PLXNA4: variants seen among roughly 807,000 people sequenced by gnomAD.
PLXNA4 encodes plexin-A4.
In PLXNA4, 44 loss-of-function variants were observed where a neutral mutation model predicts 191.8. The ratio of observed to expected loss-of-function variants is 0.23; its 90% confidence interval spans 0.18 to 0.29. PLXNA4 has a LOEUF of 0.29. Among genes scored for constraint, PLXNA4 ranks in the 10% least tolerant of loss-of-function variants. The pLI, the probability that PLXNA4 is intolerant of heterozygous loss-of-function variation, is 1.00. For missense variants in PLXNA4, 1,800 were observed against 2,488.8 expected, an observed-to-expected ratio of 0.72 and a Z score of 5.89; for synonymous variants, 1,082 against 1,009.5, an observed-to-expected ratio of 1.07 and a Z score of -1.36.
At chr7:132,252,305 T>TG (rs1355501206) in intron 4 of PLXNA4, among the ~76,000 whole-genome samples, 169 of 28,236 alleles carry the variant, frequency 6.0e-3, no homozygotes, top group African/African-American at 0.026. Flanking sequence ...AAAAGTTTTT[T>TG]TTTTTTTTTT....
In PLXNA4 at chr7:132,519,540, C is replaced by T. The variant is rs114950921; in HGVS notation, c.-86-10761G>A. ...CCTGTCTCGTGCATGTGGCCTGAGG[C>T]TTGTCCAGCTGACATTTTCACCAGG... is the stretch of plus-strand genomic sequence containing the variant. On this transcript the variant is annotated intron_variant, in intron 1 of 31. Transcript: ENST00000321063. Among the ~76,000 whole-genome samples the T allele has an allele frequency of 6.7e-3, 1,015 of 152,326 alleles. 12 individuals are homozygous for T. Among genetic ancestry groups the T allele is most frequent in the African/African-American group, 0.023 (964 of 41,568 alleles).
chr7:132,644,684 T>A (rs1010688970), intron 2 of PLXNA4, among the ~76,000 whole-genome samples: 1 of 152,160 alleles, frequency 6.6e-6, no homozygotes, highest in African/African-American at 2.4e-5. Flanking sequence ...GTGATATATT[T>A]AAAGAGGAAG....
chr7:132,266,000 CAAG>C (rs1182675407), intron 4 of PLXNA4, among the ~76,000 whole-genome samples: 1 of 152,140 alleles, frequency 6.6e-6, no homozygotes, highest in African/African-American at 2.4e-5. Context: ...GGCTCAGAAT[CAAG>C]AAGAAGTTGA....
At chr7:132,561,793 C>T (rs1347121394) in intron 1 of PLXNA4, among the ~76,000 whole-genome samples, 2 of 141,162 alleles carry the variant, frequency 1.4e-5, no homozygotes, top group Non-Finnish European at 3.1e-5. Context: ...TCCTTAACCT[C>T]CTCCTCCTTA....
chr7:132,402,577 T>C (rs1794036809), intron 3 of PLXNA4, among the ~76,000 whole-genome samples: 1 of 152,174 alleles, frequency 6.6e-6, no homozygotes, highest in African/African-American at 2.4e-5. Flanking sequence ...AATCATCTTA[T>C]TGCAGGAAAT....
At chr7:132,647,068 C>T (rs1399717417) in intron 1 of PLXNA4, among the ~76,000 whole-genome samples, 3 of 151,890 alleles carry the variant, frequency 2.0e-5, no homozygotes, top group South Asian at 2.1e-4. Flanking sequence ...CAAACACATG[C>T]TGTCATACAT....
At chr7:132,336,583 A>T (rs1459253644) in intron 3 of PLXNA4, among the ~76,000 whole-genome samples, 2 of 152,150 alleles carry the variant, frequency 1.3e-5, no homozygotes. Flanking sequence ...GCACTTATTG[A>T]GCATCTACTA....
intron 5 of PLXNA4, among the ~76,000 whole-genome samples, chr7:132,236,536 G>A (rs1386048532): frequency 6.6e-6 from 1 of 152,112 alleles, no homozygotes; most frequent in South Asian, 2.1e-4. Context: ...CCCATGGTGG[G>A]GGCCTAACAA....
chr7:132,480,864 G>A (rs1563123684), intron 3 of PLXNA4, among the ~76,000 whole-genome samples: 1 of 152,170 alleles, frequency 6.6e-6, no homozygotes, highest in Admixed American at 6.5e-5. Context: ...GAGTCCCGTC[G>A]TTTCTAAGGT....
intron 1 of PLXNA4, among the ~76,000 whole-genome samples, chr7:132,560,774 T>G (rs1167231247): frequency 1.3e-5 from 2 of 152,102 alleles, no homozygotes; most frequent in East Asian, 3.9e-4. Flanking sequence ...GCAAGACACC[T>G]GCAGGACAAC....
At chr7:132,172,491 G>A (rs1351435152) in intron 21 of PLXNA4, among the ~76,000 whole-genome samples, 2 of 152,144 alleles carry the variant, frequency 1.3e-5, no homozygotes, top group African/African-American at 4.8e-5. Flanking sequence ...TGGCTGAAAG[G>A]GCTGGGAAAC....
chr7:132,556,008 C>A (rs1019516948), intron 1 of PLXNA4, among the ~76,000 whole-genome samples: 1 of 152,242 alleles, frequency 6.6e-6, no homozygotes, highest in Non-Finnish European at 1.5e-5. Flanking sequence ...CTCTGTGGCT[C>A]CATTCTTGGC....
At chr7:132,552,994 C>A (rs1366930456) in intron 1 of PLXNA4, among the ~76,000 whole-genome samples, 1 of 152,154 alleles carries the variant, frequency 6.6e-6, no homozygotes, top group African/African-American at 2.4e-5. Flanking sequence ...ATGCTTGGCT[C>A]AGGATTCTGG....
chr7:132,152,547 C>T (rs1795676367), intron 25 of PLXNA4, among the ~76,000 whole-genome samples: 1 of 152,328 alleles, frequency 6.6e-6, no homozygotes, highest in Non-Finnish European at 1.5e-5. Context: ...AGATGGGCTC[C>T]TTCTGTCTTG....
intron 2 of PLXNA4, among the ~76,000 whole-genome samples, chr7:132,587,765 T>G (rs1802529453): frequency 1.3e-5 from 2 of 151,968 alleles, no homozygotes; most frequent in South Asian, 4.2e-4. Flanking sequence ...AATTAAACCC[T>G]GCCTCTCCCC....
rs370481755 is a variant in PLXNA4 at position 132,421,578 on chromosome 7, GT to G, written c.1371+67713del. On this transcript the variant is annotated intron_variant, in intron 3 of 31. Coordinates refer to ENST00000321063, the MANE Select transcript of PLXNA4 (RefSeq NM_020911.2). Reference sequence around the variant, plus strand: ...GCTGCTTCTTTACTTTATTGCTAAAGTTTTTTTTTTTTACCACAGCTTCAGT... The same window carrying G: ...GCTGCTTCTTTACTTTATTGCTAAAGTTTTTTTTTTTACCACAGCTTCAGT... Among the ~76,000 whole-genome samples, 880 of 146,506 alleles carry G rather than the reference GT, an allele frequency of 6.0e-3. 13 individuals are homozygous for G. The highest frequency in any genetic ancestry group is 0.018 in the African/African-American group (735 of 40,598).
chr7:132,247,236 A>G (rs910639108), intron 4 of PLXNA4, among the ~76,000 whole-genome samples: 1 of 152,124 alleles, frequency 6.6e-6, no homozygotes, highest in Non-Finnish European at 1.5e-5. Context: ...GTGTATCTCT[A>G]ATTTGTTTAA....
intron 21 of PLXNA4, among the ~76,000 whole-genome samples, chr7:132,174,279 C>T (rs866677848): frequency 3.0e-4 from 45 of 152,210 alleles, no homozygotes; most frequent in African/African-American, 1.0e-3. Context: ...AGATGAGGTC[C>T]CTGCTGGTAG....
rs549445684 is a variant in PLXNA4, at chr7:132,182,178, G to T, written c.3171C>A (p.Pro1057=). 1 of 1,614,148 alleles carries T rather than the reference G, an allele frequency of 6.2e-7. No homozygotes were observed. Among genetic ancestry groups the T allele is most frequent in the South Asian group, 1.1e-5 (1 of 91,066 alleles). The stretch of plus-strand genomic sequence containing the variant: ...CCAGGTGGGTCCCCCATACGGCGAT[G>T]GGTGTGTTTCCACTGAGCAGGAAGA... ...PEWSIVSGNT[P]IAVWGTHLDL... The change falls in exon 17 of 32, where the codon CCC becomes CCA. Residue 1057 remains proline, a synonymous_variant. Transcript: ENST00000321063.
Sources: gnomAD v4.1 joint callset for allele counts (sites outside exome capture counted in the v4.1 genomes callset) on GRCh38, gnomAD v4.1.1 for gene constraint, MANE v1.5 for transcripts, NCBI Gene and HGNC (gene_info 2026-07-23, HGNC 2026-07-21) for gene names.